The following PSPC1 variants were observed in gnomAD, a reference collection of about 807,000 sequenced individuals.
PSPC1 encodes paraspeckle component 1.
PSPC1 carries 14 observed loss-of-function variants against 51.6 expected under a neutral mutation model. That is an observed-to-expected ratio of 0.27 (90% CI 0.18 to 0.42). The LOEUF (loss-of-function observed/expected upper bound fraction) is 0.42. Among genes scored for constraint, PSPC1 ranks in the 10% least tolerant of loss-of-function variants. PSPC1 has a pLI of 1.00. For synonymous variants in PSPC1, 193 were observed against 231.9 expected (o/e 0.83, Z 1.53); for missense variants, 406 against 701.1 (o/e 0.58, Z 4.75).
chr13:19,695,025 T>C (rs1320570804), intron 6 of PSPC1, among the ~76,000 whole-genome samples: 1 of 152,230 alleles, frequency 6.6e-6, no homozygotes, highest in Non-Finnish European at 1.5e-5. Flanking sequence ...ACAGTCTACA[T>C]AGCAAACTGT....
intron 8 of PSPC1, among the ~76,000 whole-genome samples, chr13:19,705,338 C>T (rs1334119618): frequency 2.6e-5 from 4 of 152,090 alleles, no homozygotes; most frequent in Non-Finnish European, 5.9e-5. Context: ...ACTAAAAATA[C>T]AAAAATTAGC....
intron 2 of PSPC1, among the ~76,000 whole-genome samples, chr13:19,769,835 G>A (rs2138286707): frequency 6.6e-6 from 1 of 152,296 alleles, no homozygotes; most frequent in African/African-American, 2.4e-5. Flanking sequence ...CTCACTCATT[G>A]CTGGTAGGAA....
At chr13:19,766,693 AAGAAATC>A (rs1371284059) in intron 2 of PSPC1, among the ~76,000 whole-genome samples, 1 of 151,708 alleles carries the variant, frequency 6.6e-6, no homozygotes, top group Non-Finnish European at 1.5e-5. Flanking sequence ...AGCTATCAAT[AAGAAATC>A]GTTAGTTAAC....
chr13:19,782,909 C>A lies in PSPC1; in HGVS notation c.-152G>T. ...GGCGAGTCGGCAACCCGTCCTCCCCCAACTCACGCCCGCTGCAGCTGCACA... is the reference window on the plus strand; with the variant it reads ...GGCGAGTCGGCAACCCGTCCTCCCCAAACTCACGCCCGCTGCAGCTGCACA... On this transcript the variant is annotated 5_prime_UTR_variant, in exon 1 of 9. Coordinates refer to ENST00000338910, the MANE Select transcript of PSPC1 (RefSeq NM_001354909.2). This position sits in a 1 kb window ranked among gnomAD's most constrained non-coding sequence, Gnocchi z 4.5. The A allele has an allele frequency of 5.2e-6, 4 of 773,556 alleles. No individual in the cohort carries two copies. The highest frequency in any genetic ancestry group is 6.0e-5 in the East Asian group (2 of 33,062). The allele number at this position is 773,556 out of a possible 1,614,324, so 47.9% of individuals were successfully genotyped here. A position where few individuals can be genotyped will look rare whatever the true frequency, so the allele number is the denominator to read the frequency against.
chr13:19,701,073 G>A (rs1343270295), downstream of PSPC1, among the ~76,000 whole-genome samples: 4 of 152,238 alleles, frequency 2.6e-5, no homozygotes, highest in Admixed American at 2.6e-4. Context: ...TTGATGCTGG[G>A]AAAAAGTTGT....
intron 6 of PSPC1, among the ~76,000 whole-genome samples, chr13:19,713,764 C>G (rs753579075): frequency 6.6e-6 from 1 of 152,110 alleles, no homozygotes. Context: ...GTCAAAAGAG[C>G]ATTCCATCAT....
chr13:19,760,344 G>A (rs909567556), intron 2 of PSPC1, among the ~76,000 whole-genome samples: 1 of 151,972 alleles, frequency 6.6e-6, no homozygotes, highest in Non-Finnish European at 1.5e-5. Flanking sequence ...CATGGCCAAC[G>A]TGGTGAAACC....
chr13:19,749,986 A>C (rs991907716), intron 4 of PSPC1, among the ~76,000 whole-genome samples: 3 of 152,186 alleles, frequency 2.0e-5, no homozygotes, highest in Admixed American at 2.0e-4. Flanking sequence ...TGACTTCATC[A>C]TAAGTGCTCA....
chr13:19,716,218 A>G (rs1193353610), intron 6 of PSPC1, among the ~76,000 whole-genome samples: 1 of 152,172 alleles, frequency 6.6e-6, no homozygotes, highest in East Asian at 1.9e-4. Flanking sequence ...AACATTTTAG[A>G]TAAGGGATAC....
downstream of PSPC1, among the ~76,000 whole-genome samples, chr13:19,701,077 A>C (rs1415325702): frequency 3.3e-5 from 5 of 152,226 alleles, no homozygotes; most frequent in African/African-American, 1.2e-4. Context: ...TGCTGGGAAA[A>C]AGTTGTGTAG....
downstream of PSPC1, chr13:19,673,258 C>T (rs1205283410): frequency 2.5e-6 from 1 of 402,560 alleles, no homozygotes; most frequent in East Asian, 7.1e-5. Context: ...AAATCAAGCT[C>T]AGTCTGGGTT....
intron 1 of PSPC1, among the ~76,000 whole-genome samples, chr13:19,778,985 C>G (rs1889542468): frequency 7.0e-6 from 1 of 142,516 alleles, no homozygotes; most frequent in South Asian, 2.4e-4. Flanking sequence ...TGCCCGGCCG[C>G]CCATCGTCTG....
chr13:19,741,154 A>G (rs1393403981), intron 5 of PSPC1, among the ~76,000 whole-genome samples: 1 of 152,120 alleles, frequency 6.6e-6, no homozygotes, highest in East Asian at 1.9e-4. Context: ...AATTACAGGC[A>G]TGAGCTACTG....
At chr13:19,723,279 AAG>A (rs1882990532) in intron 6 of PSPC1, among the ~76,000 whole-genome samples, 2 of 152,290 alleles carry the variant, frequency 1.3e-5, no homozygotes, top group South Asian at 4.1e-4. Context: ...AACAGAAGGT[AAG>A]ATCAAAAAAA....
chr13:19,708,779 C>A (rs1029807970), intron 7 of PSPC1, among the ~76,000 whole-genome samples: 2 of 152,144 alleles, frequency 1.3e-5, no homozygotes, highest in Admixed American at 1.3e-4. Flanking sequence ...ACACAAAAAG[C>A]TAGTTTAAGA....
At chr13:19,717,926 C>T (rs1882316634) in intron 6 of PSPC1, among the ~76,000 whole-genome samples, 1 of 151,204 alleles carries the variant, frequency 6.6e-6, no homozygotes, top group Non-Finnish European at 1.5e-5. Context: ...TGCCTGTAAT[C>T]TCAGGGTTTT....
intron 6 of PSPC1, among the ~76,000 whole-genome samples, 182 bp downstream of exon 6, chr13:19,730,057 C>T (rs935540373): frequency 6.6e-6 from 1 of 152,002 alleles, no homozygotes; most frequent in African/African-American, 2.4e-5. Flanking sequence ...ACATAGATAT[C>T]TTCAGAAACT....
At chr13:19,751,867 C>A (rs1432172279) in intron 3 of PSPC1, among the ~76,000 whole-genome samples, 1 of 152,070 alleles carries the variant, frequency 6.6e-6, no homozygotes, top group Non-Finnish European at 1.5e-5. Context: ...ACCATCCTGG[C>A]TAACGTTGTG....
At chr13:19,747,348 T>TA (rs1346138448) in intron 4 of PSPC1, among the ~76,000 whole-genome samples, 1 of 152,132 alleles carries the variant, frequency 6.6e-6, no homozygotes. Flanking sequence ...AGCTTTTTTT[T>TA]AGAGACAGAG....
Sources: allele counts gnomAD v4.1 joint callset (sites outside exome capture counted in the v4.1 genomes callset), GRCh38; gene constraint gnomAD v4.1.1; non-coding constraint Gnocchi (gnomAD v3.1); transcripts MANE v1.5; gene names NCBI Gene and HGNC (gene_info 2026-07-23, HGNC 2026-07-21).